CTNND2: variants seen among roughly 807,000 people sequenced by gnomAD.
The protein encoded by CTNND2 is catenin delta-2.
A neutral mutation model predicts 144.4 loss-of-function variants in CTNND2; 22 were observed. The observed-to-expected ratio is 0.15, with a 90% CI of 0.11 to 0.22. CTNND2 has a LOEUF of 0.22. Ranked by LOEUF, CTNND2 falls within the 10% of genes least tolerant of loss-of-function variation. The probability of loss-of-function intolerance (pLI) is 1.00; values close to 1 mark genes in which losing one functional copy is unlikely to be tolerated. For missense variants in CTNND2, 1,353 were observed against 1,618.8 expected, an observed-to-expected ratio of 0.84 and a Z score of 2.82; for synonymous variants, 751 against 695.6, an observed-to-expected ratio of 1.08 and a Z score of -1.25.
intron 1 of CTNND2, among the ~76,000 whole-genome samples, chr5:11,806,934 T>C (rs1792037182): frequency 6.6e-6 from 1 of 152,042 alleles, no homozygotes; most frequent in South Asian, 2.1e-4. Context: ...TACATTTGAG[T>C]GGATGGATCA....
intron 16 of CTNND2, among the ~76,000 whole-genome samples, chr5:11,080,139 A>G (rs1040786670): frequency 2.6e-5 from 4 of 152,196 alleles, no homozygotes; most frequent in African/African-American, 4.8e-5. Flanking sequence ...GAAAACAAAT[A>G]ACCTGATTAA....
At chr5:11,709,309 A>C (rs1055844335) in intron 2 of CTNND2, among the ~76,000 whole-genome samples, 17 of 152,200 alleles carry the variant, frequency 1.1e-4, no homozygotes, top group Non-Finnish European at 2.4e-4. Context: ...CATAGCTGCT[A>C]TTCTTTAGGA....
At chr5:11,599,437 C>T (rs921425569) in intron 2 of CTNND2, among the ~76,000 whole-genome samples, 6 of 152,142 alleles carry the variant, frequency 3.9e-5, no homozygotes, top group Non-Finnish European at 7.3e-5. Context: ...GTTATAAATA[C>T]ATTTACACAT....
chr5:11,881,072 T>C (rs573734463), intron 1 of CTNND2, among the ~76,000 whole-genome samples: 29 of 149,798 alleles, frequency 1.9e-4, no homozygotes, highest in Admixed American at 4.0e-4. Flanking sequence ...ACTACTACTA[T>C]TATCATTATT....
chr5:11,151,614 T>A (rs919102723), intron 12 of CTNND2, among the ~76,000 whole-genome samples: 1 of 152,250 alleles, frequency 6.6e-6, no homozygotes, highest in Non-Finnish European at 1.5e-5. Context: ...TTGCTTGTCC[T>A]TTTAAAAGAA....
chr5:11,032,240 C>A (rs1055425853), intron 16 of CTNND2, among the ~76,000 whole-genome samples: 3 of 152,102 alleles, frequency 2.0e-5, no homozygotes, highest in Non-Finnish European at 4.4e-5. Context: ...GAGCTGATTT[C>A]CATGTGATTG....
At chr5:11,079,764 A>C (rs1342878806) in intron 16 of CTNND2, among the ~76,000 whole-genome samples, 1 of 152,100 alleles carries the variant, frequency 6.6e-6, no homozygotes, top group African/African-American at 2.4e-5. Flanking sequence ...GAAAATCACA[A>C]CCCTAAACTG....
At chr5:11,345,290 T>A (rs1480114986) in intron 9 of CTNND2, among the ~76,000 whole-genome samples, 2 of 152,164 alleles carry the variant, frequency 1.3e-5, no homozygotes, top group Non-Finnish European at 2.9e-5. Flanking sequence ...AAAAGAATGC[T>A]TCCGATTTCT....
At chr5:11,618,026 G>A (rs1272400101) in intron 2 of CTNND2, among the ~76,000 whole-genome samples, 1 of 151,880 alleles carries the variant, frequency 6.6e-6, no homozygotes, top group Non-Finnish European at 1.5e-5. Context: ...ACGTATTTAG[G>A]ACTTTAACAA....
intron 9 of CTNND2, among the ~76,000 whole-genome samples, chr5:11,271,972 T>C (rs1746065731): frequency 6.6e-6 from 1 of 152,090 alleles, no homozygotes; most frequent in African/African-American, 2.4e-5. Flanking sequence ...AAGTATAATA[T>C]AAATATAGAT....
In CTNND2 at chr5:11,628,024, C is replaced by T. The variant is rs143462208; in HGVS notation, c.175-62968G>A. 4.1e-3 allele frequency among the ~76,000 whole-genome samples: 622 copies of T among 152,016 alleles called. 3 individuals carry two copies. Among genetic ancestry groups the T allele is most frequent in the African/African-American group, 0.014 (592 of 41,448 alleles). ...CACCCACAACTCATCTCTTGCTGTG[C>T]GGCCAGGTACCTAACAGGCCATGGA... is the stretch of plus-strand genomic sequence containing the variant. On this transcript the variant is annotated intron_variant, in intron 2 of 21. Transcript: ENST00000304623.
chr5:11,142,148 G>A (rs1440030118), intron 12 of CTNND2, among the ~76,000 whole-genome samples: 1 of 152,110 alleles, frequency 6.6e-6, no homozygotes, highest in Non-Finnish European at 1.5e-5. Flanking sequence ...CCAGACTGTG[G>A]TATTCTGTTA....
At chr5:11,393,142 G>A (rs1393709948) in intron 6 of CTNND2, among the ~76,000 whole-genome samples, 1 of 152,302 alleles carries the variant, frequency 6.6e-6, no homozygotes, top group East Asian at 1.9e-4. Flanking sequence ...AGACATAGAA[G>A]TCAGCACAAC....
At chr5:11,674,982 A>T (rs1784097678) in intron 2 of CTNND2, among the ~76,000 whole-genome samples, 1 of 152,100 alleles carries the variant, frequency 6.6e-6, no homozygotes, top group African/African-American at 2.4e-5. Flanking sequence ...TGCCTCAGGC[A>T]TATGTAGTTT....
At chr5:11,161,880 A>C (rs980273989) in intron 11 of CTNND2, among the ~76,000 whole-genome samples, 1 of 152,138 alleles carries the variant, frequency 6.6e-6, no homozygotes, top group African/African-American at 2.4e-5. Flanking sequence ...GGCAGGGTGC[A>C]ATGGCTCACA....
intron 16 of CTNND2, among the ~76,000 whole-genome samples, chr5:11,027,920 G>A (rs1223858664): frequency 6.6e-6 from 1 of 152,162 alleles, no homozygotes. Flanking sequence ...TTTCCATGTT[G>A]TGTTTGTGAC....
intron 2 of CTNND2, among the ~76,000 whole-genome samples, chr5:11,613,184 T>C (rs1365478878): frequency 2.0e-5 from 3 of 152,230 alleles, no homozygotes; most frequent in Admixed American, 1.3e-4. Context: ...TTGGGGTTTT[T>C]ATTTTAATGT....
intron 9 of CTNND2, among the ~76,000 whole-genome samples, chr5:11,322,712 A>G (rs1241371525): frequency 1.3e-5 from 2 of 152,244 alleles, no homozygotes; most frequent in Non-Finnish European, 1.5e-5. Context: ...CACAGTATAG[A>G]ACAAAATATA....
chr5:11,057,782 T>A (rs778711538), intron 16 of CTNND2, among the ~76,000 whole-genome samples: 1 of 152,170 alleles, frequency 6.6e-6, no homozygotes, highest in Admixed American at 6.5e-5. Flanking sequence ...TAGAGACTTG[T>A]TGAATGTTTT....
Sources: allele counts gnomAD v4.1 joint callset (sites outside exome capture counted in the v4.1 genomes callset), GRCh38; gene constraint gnomAD v4.1.1; transcripts MANE v1.5; gene names NCBI Gene and HGNC (gene_info 2026-07-23, HGNC 2026-07-21).